The following BRIP1 variants were observed in gnomAD, a reference collection of about 807,000 sequenced individuals.
The protein encoded by BRIP1 is BRCA1 interacting DNA helicase 1.
BRIP1 carries 88 observed loss-of-function variants against 119.7 expected under a neutral mutation model. The observed-to-expected ratio is 0.74, with a 90% CI of 0.62 to 0.88. BRIP1 has a LOEUF of 0.88. BRIP1 is among the 40% of genes least tolerant of loss of function. The probability of loss-of-function intolerance (pLI) is 0.00; values close to 1 mark genes in which losing one functional copy is unlikely to be tolerated. For missense variants in BRIP1, 1,259 were observed against 1,455.4 expected, an observed-to-expected ratio of 0.87 and a Z score of 2.20; for synonymous variants, 443 against 496.5, an observed-to-expected ratio of 0.89 and a Z score of 1.43.
At chr17:61,785,881 C>T (rs962446371) in intron 10 of BRIP1, among the ~76,000 whole-genome samples, 3 of 151,992 alleles carry the variant, frequency 2.0e-5, no homozygotes, top group Admixed American at 6.6e-5. Flanking sequence ...TATTAGAGTA[C>T]TCCGAGCTCA....
rs1453298606 is a variant in BRIP1 at position 61,810,559 on chromosome 17, C to T, written c.628-1802G>A. Among the ~76,000 whole-genome samples the T allele has an allele frequency of 2.0e-5, 3 of 152,056 alleles. No individual in the cohort carries two copies. The East Asian group carries it at 5.8e-4, about 29-fold the overall frequency. ...ATGTGAATACTAGAATGCTATGGCC[C>T]AATGCACTGTTATGTACTATATAGA... On this transcript the variant is annotated intron_variant, in intron 6 of 19. Transcript: ENST00000259008. The surrounding 1 kb of genome is among the most constrained non-coding windows in gnomAD (Gnocchi z 4.7).
rs1193575368 is a variant in BRIP1, at chr17:61,834,729, A to G, written c.627+12372T>C. Among the ~76,000 whole-genome samples the G allele has an allele frequency of 6.6e-6, 1 of 152,150 alleles. No homozygotes were observed. The highest frequency in any genetic ancestry group is 2.4e-5 in the African/African-American group (1 of 41,430). ...TCTTGGAACCCTGAGGCCACCATAT[A>G]CATAAACCAGAATTAGCCTGCTAGA... On this transcript the variant is annotated intron_variant, in intron 6 of 19. Transcript: ENST00000259008. This position sits in a 1 kb window ranked among gnomAD's most constrained non-coding sequence, Gnocchi z 4.4.
Position 61,798,992 on chromosome 17 carries a change from C to T in BRIP1, c.1340+108G>A. On this transcript the variant is annotated intron_variant, in intron 9 of 19. Coordinates refer to ENST00000259008, the MANE Select transcript of BRIP1 (RefSeq NM_032043.3). This position sits in a 1 kb window ranked among gnomAD's most constrained non-coding sequence, Gnocchi z 5.5. Reference sequence around the variant, plus strand: ...AACTGGCAAGGAACAATTCATTTCCCAAGAAGCCTAGTTAACCAAAGTTTA... The same window carrying T: ...AACTGGCAAGGAACAATTCATTTCCTAAGAAGCCTAGTTAACCAAAGTTTA... The T allele has an allele frequency of 9.6e-7, 1 of 1,043,158 alleles. No individual in the cohort carries two copies. Among genetic ancestry groups the T allele is most frequent in the Non-Finnish European group, 1.5e-6 (1 of 678,570 alleles). The allele number at this position is 1,043,158 out of a possible 1,614,324, so 64.6% of individuals were successfully genotyped here.
At chr17:61,840,355 CAAAAAAAAAAA>C (rs11334899) in intron 6 of BRIP1, among the ~76,000 whole-genome samples, 2 of 105,098 alleles carry the variant, frequency 1.9e-5, no homozygotes, top group African/African-American at 3.7e-5. Context: ...GACTCCGTCT[CAAAAAAAAAAA>C]AAAAAAAAAG....
intron 6 of BRIP1, 58 bp downstream of exon 6, chr17:61,847,043 G>T: frequency 1.2e-6 from 2 of 1,600,662 alleles, no homozygotes; most frequent in Non-Finnish European, 1.7e-6. Flanking sequence ...GTCAAAAATT[G>T]GTTTAGAAAA....
chr17:61,715,889 G>T, intron 17 of BRIP1, 62 bp downstream of exon 17: 1 of 1,100,744 alleles, frequency 9.1e-7, no homozygotes, highest in Non-Finnish European at 1.3e-6. Flanking sequence ...AAAGTAGCAA[G>T]ACTAGATTTA....
intron 17 of BRIP1, among the ~76,000 whole-genome samples, chr17:61,707,995 C>T (rs571850167): frequency 5.3e-5 from 8 of 151,964 alleles, no homozygotes; most frequent in South Asian, 4.2e-4. Flanking sequence ...TACAGGCGTG[C>T]GCCACCATAC....
At position 61,795,998 on chromosome 17, in the gene BRIP1, G is replaced by A. The variant is rs2077893139; in HGVS notation, c.1341-2269C>T. On this transcript the variant is annotated intron_variant, in intron 9 of 19. Transcript: ENST00000259008. The surrounding 1 kb of genome is among the most constrained non-coding windows in gnomAD (Gnocchi z 5.6). ...TTGTAGTTTTGATCAGCAGAGAAAT[G>A]CTGATCAATGATGTTGAGCACTTTT... is the stretch of plus-strand genomic sequence containing the variant. Among the ~76,000 whole-genome samples the A allele has an allele frequency of 6.6e-6, 1 of 152,016 alleles. No individual in the cohort carries two copies. Among genetic ancestry groups the A allele is most frequent in the Non-Finnish European group, 1.5e-5 (1 of 67,956 alleles).
chr17:61,750,102 C>T (rs570127414), intron 14 of BRIP1, among the ~76,000 whole-genome samples: 103 of 152,278 alleles, frequency 6.8e-4, no homozygotes, highest in Non-Finnish European at 1.1e-3. Flanking sequence ...TGCCCTGTTT[C>T]TGATCTTAGA....
rs1485986537 is a variant in BRIP1, at chr17:61,703,312, C to G, written c.2493-9800G>C. ...CTCCTGACCTCAAGTGACCTGCCCG[C>G]CTTGACCTCCCAGTGCTGAGATTAT... On this transcript the variant is annotated intron_variant, in intron 17 of 19. Transcript: ENST00000259008. The surrounding 1 kb of genome is among the most constrained non-coding windows in gnomAD (Gnocchi z 5.0). Among the ~76,000 whole-genome samples, 1 of 152,188 alleles carries G rather than the reference C, an allele frequency of 6.6e-6. No homozygotes were observed. Among genetic ancestry groups the G allele is most frequent in the Non-Finnish European group, 1.5e-5 (1 of 68,036 alleles).
chr17:61,745,395 C>A lies in BRIP1; in HGVS notation c.2098-804G>T, dbSNP rs1325355009. Among the ~76,000 whole-genome samples, 2 of 152,154 alleles carry A rather than the reference C, an allele frequency of 1.3e-5. No individual in the cohort carries two copies. Among genetic ancestry groups the A allele is most frequent in the African/African-American group, 4.8e-5 (2 of 41,442 alleles). On this transcript the variant is annotated intron_variant, in intron 14 of 19. Coordinates refer to ENST00000259008, the MANE Select transcript of BRIP1 (RefSeq NM_032043.3). The surrounding 1 kb of genome is among the most constrained non-coding windows in gnomAD (Gnocchi z 4.4). ...TTGATTGATTGATTGATTTTAGAGA[C>A]AGGGTCTCTGTCACCCAGGCTGGAG...
Position 61,796,276 on chromosome 17 carries a change from A to C in BRIP1, c.1341-2547T>G, listed in dbSNP as rs1362628900. Among the ~76,000 whole-genome samples the C allele has an allele frequency of 6.6e-6, 1 of 151,976 alleles. No homozygotes were observed. Among genetic ancestry groups the C allele is most frequent in the Non-Finnish European group, 1.5e-5 (1 of 67,996 alleles). On this transcript the variant is annotated intron_variant, in intron 9 of 19. Transcript: ENST00000259008. The surrounding 1 kb of genome is among the most constrained non-coding windows in gnomAD (Gnocchi z 4.8). The stretch of plus-strand genomic sequence containing the variant: ...TAACTTGATGTGATCCCATCTGTCC[A>C]TTTTTGCTTTGGTTACCTGTGCTTG...
rs2078831512 is a variant in BRIP1 at position 61,852,185 on chromosome 17, C to T, written c.380-2929G>A. Among the ~76,000 whole-genome samples, 1 of 151,986 alleles carries T rather than the reference C, an allele frequency of 6.6e-6. No homozygotes were observed. Among genetic ancestry groups the T allele is most frequent in the Admixed American group, 6.6e-5 (1 of 15,260 alleles). On this transcript the variant is annotated intron_variant, in intron 4 of 19. Coordinates refer to ENST00000259008, the MANE Select transcript of BRIP1 (RefSeq NM_032043.3). The surrounding 1 kb of genome is among the most constrained non-coding windows in gnomAD (Gnocchi z 4.9). ...TGCCATGTGCCAAATAAGGGTAACCCCAATTCATAAAAATAAAAATCATAT... is the reference window on the plus strand; with the variant it reads ...TGCCATGTGCCAAATAAGGGTAACCTCAATTCATAAAAATAAAAATCATAT...
chr17:61,821,713 C>G (rs911917510), intron 6 of BRIP1, among the ~76,000 whole-genome samples: 7 of 151,488 alleles, frequency 4.6e-5, no homozygotes, highest in African/African-American at 1.7e-4. Flanking sequence ...CATTTTTTGT[C>G]TTTTTAAAAT....
In BRIP1 at chr17:61,715,997, A is replaced by C. The variant is rs1338241931; in HGVS notation, c.2446T>G (p.Trp816Gly). 6.2e-7 allele frequency: 1 copy of C among 1,609,034 alleles called. No individual in the cohort carries two copies. Among genetic ancestry groups the C allele is most frequent in the South Asian group, 1.1e-5 (1 of 89,994 alleles). The stretch of plus-strand genomic sequence containing the variant: ...GCCCTGTATGCTTGAATTTCATACC[A>C]CTGACGGCCAGGTAGAAGACCTCTC... ...KLRGLLPGRQ[W>G]YEIQAYRALN... is the part of the protein sequence containing the mutation. Residue 816 changes from tryptophan (W) to glycine (G), a missense_variant, in exon 17 of 20, where the codon TGG (tryptophan) becomes GGG (glycine). Trp to Gly is a radical substitution (Grantham distance 184, BLOSUM62 -2). Around this residue, in one of 3 missense-constraint regions of BRIP1, gnomAD observed 753 missense variants for 891.8 expected, o/e 0.84. Coordinates refer to ENST00000259008, the MANE Select transcript of BRIP1 (RefSeq NM_032043.3).
chr17:61,825,547 T>C lies in BRIP1; in HGVS notation c.628-16790A>G, dbSNP rs552295177. Among the ~76,000 whole-genome samples, 3 of 151,720 alleles carry C rather than the reference T, an allele frequency of 2.0e-5. No homozygotes were observed. The highest frequency in any genetic ancestry group is 4.8e-5 in the African/African-American group (2 of 41,408). ...GGATACTAAATCAATATGCAAAATTTACTGACATTCCAATTCACCATCAAC... is the reference window on the plus strand; with the variant it reads ...GGATACTAAATCAATATGCAAAATTCACTGACATTCCAATTCACCATCAAC... On this transcript the variant is annotated intron_variant, in intron 6 of 19. Transcript: ENST00000259008. The surrounding 1 kb of genome is among the most constrained non-coding windows in gnomAD (Gnocchi z 4.1).
At chr17:61,749,899 A>C (rs1187247543) in intron 14 of BRIP1, among the ~76,000 whole-genome samples, 3 of 152,202 alleles carry the variant, frequency 2.0e-5, no homozygotes, top group Admixed American at 1.3e-4. Flanking sequence ...TGCATATTGC[A>C]ACTTTACTCA....
At position 61,806,422 on chromosome 17, in the gene BRIP1, A is replaced by G. The variant is rs1333434753; in HGVS notation, c.918+2045T>C. ...CAGAATTAGGTCAAGACAAACCACAAGCAGATATCTTCAATTATTCATATT... is the reference window on the plus strand; with the variant it reads ...CAGAATTAGGTCAAGACAAACCACAGGCAGATATCTTCAATTATTCATATT... On this transcript the variant is annotated intron_variant, in intron 7 of 19. Transcript: ENST00000259008. This position sits in a 1 kb window ranked among gnomAD's most constrained non-coding sequence, Gnocchi z 4.9. Among the ~76,000 whole-genome samples, 4 of 152,194 alleles carry G rather than the reference A, an allele frequency of 2.6e-5. No individual in the cohort carries two copies. The highest frequency in any genetic ancestry group is 9.6e-5 in the African/African-American group (4 of 41,452).
At position 61,831,131 on chromosome 17, in the gene BRIP1, C is replaced by A. The variant is rs1402006727; in HGVS notation, c.627+15970G>T. Reference sequence around the variant, plus strand: ...ATAGAAGGAAACTTCTTTAGCCTGACAAAGGGCATAGACAGAACACCTAGC... The same window carrying A: ...ATAGAAGGAAACTTCTTTAGCCTGAAAAAGGGCATAGACAGAACACCTAGC... On this transcript the variant is annotated intron_variant, in intron 6 of 19. Transcript: ENST00000259008. The surrounding 1 kb of genome is among the most constrained non-coding windows in gnomAD (Gnocchi z 4.1). Among the ~76,000 whole-genome samples, 1 of 152,164 alleles carries A rather than the reference C, an allele frequency of 6.6e-6. No homozygotes were observed. Among genetic ancestry groups the A allele is most frequent in the East Asian group, 1.9e-4 (1 of 5,198 alleles).
Sources: gnomAD v4.1 joint callset for allele counts (sites outside exome capture counted in the v4.1 genomes callset) on GRCh38, gnomAD v4.1.1 for gene constraint, gnomAD v4.1.1 regional missense constraint, Gnocchi (gnomAD v3.1) non-coding constraint, MANE v1.5 for transcripts, NCBI Gene and HGNC (gene_info 2026-07-23, HGNC 2026-07-21) for gene names.